Variants in SPAG17 observed in about 807,000 individuals in gnomAD.
The protein encoded by SPAG17 is sperm-associated antigen 17.
SPAG17 carries 169 observed loss-of-function variants against 273.6 expected under a neutral mutation model. The ratio of observed to expected loss-of-function variants is 0.62; its 90% CI spans 0.55 to 0.70. The LOEUF is 0.70. Among genes scored for constraint, SPAG17 ranks in the 30% least tolerant of loss-of-function variants. The pLI is 0.00. For synonymous variants in SPAG17, 825 were observed against 873.2 expected (o/e 0.94, Z 0.97); for missense variants, 2,557 against 2,627.8 (o/e 0.97, Z 0.59).
At chr1:118,133,309 G>A (rs1658158519) in intron 3 of SPAG17, among the ~76,000 whole-genome samples, 1 of 152,106 alleles carries the variant, frequency 6.6e-6, no homozygotes, top group African/African-American at 2.4e-5. Context: ...TGCAGATGGA[G>A]AGAGAGTTTA....
At position 118,169,612 on chromosome 1, in the gene SPAG17, T is replaced by C. The variant is rs552960464; in HGVS notation, c.87+15459A>G. Among the ~76,000 whole-genome samples the C allele has an allele frequency of 1.3e-4, 20 of 152,338 alleles. No homozygotes were observed. The East Asian group carries it at 2.7e-3, about 21-fold the overall frequency. ...CAATAAAATGCATTTTCCTTTTTGA[T>C]AAACTACATTTATAAGGGTTTCATG... is the stretch of plus-strand genomic sequence containing the variant. On this transcript the variant is annotated intron_variant, in intron 1 of 48. Coordinates refer to ENST00000336338, the MANE Select transcript of SPAG17 (RefSeq NM_206996.4).
At chr1:118,110,231 A>G (rs1381069794) in intron 4 of SPAG17, among the ~76,000 whole-genome samples, 1 of 152,230 alleles carries the variant, frequency 6.6e-6, no homozygotes, top group Non-Finnish European at 1.5e-5. Context: ...ATAAAACATC[A>G]CAAAACCAGT....
intron 1 of SPAG17, among the ~76,000 whole-genome samples, chr1:118,165,385 T>C (rs1374949936): frequency 1.3e-5 from 2 of 152,020 alleles, no homozygotes; most frequent in African/African-American, 4.8e-5. Context: ...AAACCTCCAC[T>C]CTTAACCTCA....
At chr1:118,077,611 T>C (rs1359222462) in intron 15 of SPAG17, among the ~76,000 whole-genome samples, 1 of 152,134 alleles carries the variant, frequency 6.6e-6, no homozygotes, top group African/African-American at 2.4e-5. Context: ...GACTCTATAT[T>C]AACCCAGAGT....
chr1:118,037,998 A>G (rs1049801119), intron 23 of SPAG17, among the ~76,000 whole-genome samples: 1 of 152,208 alleles, frequency 6.6e-6, no homozygotes, highest in African/African-American at 2.4e-5. Context: ...ATAAAAAGAG[A>G]AGACACAGAG....
At chr1:117,974,378 T>A (rs1303314962) in intron 43 of SPAG17, among the ~76,000 whole-genome samples, 3 of 152,152 alleles carry the variant, frequency 2.0e-5, no homozygotes, top group Non-Finnish European at 4.4e-5. Flanking sequence ...ATCTTTTTTT[T>A]AATAAATGAG....
intron 13 of SPAG17, among the ~76,000 whole-genome samples, chr1:118,083,534 C>T (rs992286608): frequency 1.3e-5 from 2 of 151,914 alleles, no homozygotes; most frequent in Non-Finnish European, 2.9e-5. Flanking sequence ...CTCCTGTAAT[C>T]CCAGCACTTT....
chr1:118,170,588 A>G (rs1282669725), intron 1 of SPAG17, among the ~76,000 whole-genome samples: 6 of 152,214 alleles, frequency 3.9e-5, no homozygotes, highest in African/African-American at 1.4e-4. Context: ...GGAAATATTT[A>G]TGAAATGAAA....
At chr1:118,028,681 T>C (rs1358390077) in intron 25 of SPAG17, among the ~76,000 whole-genome samples, 2 of 152,154 alleles carry the variant, frequency 1.3e-5, no homozygotes, top group Non-Finnish European at 2.9e-5. Flanking sequence ...TGTGGAATAA[T>C]TGGGGCTTGA....
At chr1:118,037,487 T>A (rs1649216758) in intron 23 of SPAG17, among the ~76,000 whole-genome samples, 1 of 152,130 alleles carries the variant, frequency 6.6e-6, no homozygotes, top group Non-Finnish European at 1.5e-5. Flanking sequence ...AGTTTTTTGA[T>A]CCTTACCCTT....
chr1:118,055,263 C>T (rs1651537024), intron 19 of SPAG17, among the ~76,000 whole-genome samples: 1 of 152,092 alleles, frequency 6.6e-6, no homozygotes, highest in Non-Finnish European at 1.5e-5. Context: ...TCCCCATTAT[C>T]TTTAGATTCC....
intron 39 of SPAG17, 98 bp downstream of exon 39, chr1:117,988,007 A>T: frequency 7.1e-7 from 1 of 1,417,428 alleles, no homozygotes; most frequent in East Asian, 2.4e-5. Context: ...CTGTGAATTC[A>T]TTGATGTAGT....
chr1:118,173,960 T>G (rs1660559239), intron 1 of SPAG17, among the ~76,000 whole-genome samples: 1 of 151,714 alleles, frequency 6.6e-6, no homozygotes, highest in African/African-American at 2.4e-5. Context: ...GGGCTGTTGC[T>G]AAGGCTCAGG....
chr1:118,025,497 T>C (rs1647641035), intron 26 of SPAG17, 81 bp from the exon 27 acceptor site: 2 of 1,035,328 alleles, frequency 1.9e-6, no homozygotes, highest in Non-Finnish European at 2.7e-6. Flanking sequence ...TTATTTTCTT[T>C]TTCTTTTCTT....
chr1:118,091,013 A>G lies in SPAG17; in HGVS notation c.1359+593T>C, dbSNP rs185546756. Among the ~76,000 whole-genome samples, 78 of 152,304 alleles carry G rather than the reference A, an allele frequency of 5.1e-4. No homozygotes were observed. The Middle Eastern group carries it at 0.017, about 33-fold the overall frequency. On this transcript the variant is annotated intron_variant, in intron 10 of 48. Coordinates refer to ENST00000336338, the MANE Select transcript of SPAG17 (RefSeq NM_206996.4). ...CCTGGTTCTTTGAAAAGACCAATAC[A>G]ATAGCTATGCCCTTAACAATCATGA...
Position 118,074,058 on chromosome 1 carries a change from C to T in SPAG17, c.2272-91G>A, listed in dbSNP as rs888768871. 45 of 787,014 alleles carry T rather than the reference C, an allele frequency of 5.7e-5. No individual in the cohort carries two copies. In the South Asian group the frequency reaches 8.2e-4, roughly 14 times the overall value. 48.8% of individuals were successfully genotyped at this position (787,014 alleles called of 1,614,324 possible). The stretch of plus-strand genomic sequence containing the variant: ...CTCCGTCAACTAACCAGTATGTACT[C>T]CATCTAATTGGGGAAATCTGCATAT... On this transcript the variant is annotated intron_variant, in intron 16 of 48. Transcript: ENST00000336338.
At chr1:117,983,524 T>C (rs1439922702) in intron 42 of SPAG17, among the ~76,000 whole-genome samples, 1 of 152,224 alleles carries the variant, frequency 6.6e-6, no homozygotes, top group Admixed American at 6.5e-5. Flanking sequence ...TGGGTTGATA[T>C]TTTGAGACCT....
intron 7 of SPAG17, among the ~76,000 whole-genome samples, chr1:118,094,339 A>C (rs1655576680): frequency 6.6e-6 from 1 of 152,258 alleles, no homozygotes; most frequent in Non-Finnish European, 1.5e-5. Context: ...AGCAAATCAC[A>C]TGCTAAGGAC....
intron 22 of SPAG17, 73 bp downstream of exon 22, chr1:118,040,657 A>G (rs773899464): frequency 4.0e-6 from 4 of 988,372 alleles, no homozygotes; most frequent in Non-Finnish European, 6.5e-6. Flanking sequence ...CAAACTCAGG[A>G]GTAGAGGGCC....
Sources: allele counts gnomAD v4.1 joint callset (sites outside exome capture counted in the v4.1 genomes callset), GRCh38; gene constraint gnomAD v4.1.1; transcripts MANE v1.5; gene names NCBI Gene and HGNC (gene_info 2026-07-23, HGNC 2026-07-21).